MMP16: variants seen among roughly 807,000 people sequenced by gnomAD.
MMP16 encodes the protein matrix metalloproteinase-16.
MMP16 carries 12 observed loss-of-function variants against 67.8 expected under a neutral mutation model. The ratio of observed to expected loss-of-function variants is 0.18; its 90% CI spans 0.11 to 0.29. The LOEUF (loss-of-function observed/expected upper bound fraction) is 0.29, where lower values mean the gene tolerates loss of function less well. Among genes scored for constraint, MMP16 ranks in the 10% least tolerant of loss-of-function variants. The pLI is 1.00. For synonymous variants in MMP16, 249 were observed against 255.9 expected, an observed-to-expected ratio of 0.97 and a Z score of 0.26; for missense variants, 475 against 765.7, an observed-to-expected ratio of 0.62 and a Z score of 4.48.
intron 2 of MMP16, among the ~76,000 whole-genome samples, chr8:88,189,723 G>A (rs769278774): frequency 2.0e-5 from 3 of 152,124 alleles, no homozygotes; most frequent in Non-Finnish European, 4.4e-5. Flanking sequence ...TATATGCAAT[G>A]ACCTCTGTCT....
intron 4 of MMP16, among the ~76,000 whole-genome samples, chr8:88,139,480 GAA>G (rs1202481761): frequency 6.6e-6 from 1 of 151,928 alleles, no homozygotes; most frequent in African/African-American, 2.4e-5. Context: ...CATTTGGAAA[GAA>G]AAAAGAGACA....
At chr8:88,144,786 A>C (rs1386202394) in intron 4 of MMP16, among the ~76,000 whole-genome samples, 1 of 151,996 alleles carries the variant, frequency 6.6e-6, no homozygotes, top group Non-Finnish European at 1.5e-5. Context: ...AGCAAATTTA[A>C]AATTCAATAT....
At chr8:88,213,809 A>G (rs1300779886) in intron 1 of MMP16, among the ~76,000 whole-genome samples, 1 of 152,148 alleles carries the variant, frequency 6.6e-6, no homozygotes, top group Non-Finnish European at 1.5e-5. Context: ...AATTAACCAT[A>G]AATATCAAAT....
intron 4 of MMP16, among the ~76,000 whole-genome samples, chr8:88,120,130 T>C (rs191595529): frequency 1.3e-5 from 2 of 151,662 alleles, no homozygotes; most frequent in Non-Finnish European, 2.9e-5. Flanking sequence ...AAAATACTAA[T>C]AGAGCATGGT....
intron 4 of MMP16, among the ~76,000 whole-genome samples, chr8:88,153,597 G>T (rs999115581): frequency 1.5e-4 from 23 of 151,644 alleles, no homozygotes; most frequent in African/African-American, 5.1e-4. Flanking sequence ...ACAAACCTGA[G>T]AAAAACAAGC....
intron 3 of MMP16, among the ~76,000 whole-genome samples, chr8:88,174,167 T>G (rs1239372088): frequency 6.6e-6 from 1 of 152,166 alleles, no homozygotes; most frequent in East Asian, 1.9e-4. Flanking sequence ...AGCTAAAGGA[T>G]TAATATACTG....
chr8:88,155,768 G>A (rs918170345), intron 4 of MMP16, among the ~76,000 whole-genome samples: 14 of 152,000 alleles, frequency 9.2e-5, no homozygotes, highest in Non-Finnish European at 8.8e-5. Context: ...CTGTTCCATA[G>A]CAAGCTTTTA....
intron 1 of MMP16, among the ~76,000 whole-genome samples, chr8:88,314,996 T>G (rs1811355423): frequency 6.6e-6 from 1 of 152,178 alleles, no homozygotes; most frequent in Non-Finnish European, 1.5e-5. Context: ...GGCAGCAAGT[T>G]GAGATAATCC....
intron 4 of MMP16, among the ~76,000 whole-genome samples, chr8:88,160,695 C>G (rs1042545498): frequency 6.6e-6 from 1 of 151,940 alleles, no homozygotes; most frequent in African/African-American, 2.4e-5. Context: ...GGACTATAAA[C>G]TAGTTCAACC....
chr8:88,129,926 G>C (rs540994591), intron 4 of MMP16, among the ~76,000 whole-genome samples: 1 of 151,732 alleles, frequency 6.6e-6, no homozygotes, highest in African/African-American at 2.4e-5. Flanking sequence ...CCTATCGAGT[G>C]ATTACCCAGA....
chr8:88,299,331 T>C (rs1323166778), intron 1 of MMP16, among the ~76,000 whole-genome samples: 3 of 152,154 alleles, frequency 2.0e-5, no homozygotes, highest in Non-Finnish European at 2.9e-5. Context: ...AAAAAGAAAG[T>C]ACACTTCATA....
At chr8:88,106,731 A>G (rs369889724) in intron 6 of MMP16, among the ~76,000 whole-genome samples, 13 of 151,454 alleles carry the variant, frequency 8.6e-5, no homozygotes, top group East Asian at 7.8e-4. Context: ...GTTACTTATT[A>G]TTCCTTAAAA....
chr8:88,155,228 C>T (rs903607238), intron 4 of MMP16, among the ~76,000 whole-genome samples: 1 of 151,932 alleles, frequency 6.6e-6, no homozygotes. Context: ...ATAAGGAATA[C>T]TTTAAAACTA....
intron 1 of MMP16, among the ~76,000 whole-genome samples, chr8:88,257,297 T>C (rs575430368): frequency 1.3e-5 from 2 of 152,202 alleles, no homozygotes; most frequent in African/African-American, 2.4e-5. Context: ...TAAATACATA[T>C]GGACAATGCA....
At chr8:88,131,027 A>T (rs1236627746) in intron 4 of MMP16, among the ~76,000 whole-genome samples, 1 of 151,708 alleles carries the variant, frequency 6.6e-6, no homozygotes, top group Non-Finnish European at 1.5e-5. Flanking sequence ...AATTAATGGG[A>T]AGCAGTTGCT....
chr8:88,056,326 A>T, intron 7 of MMP16, 48 bp from the exon 8 acceptor site: 1 of 1,012,678 alleles, frequency 9.9e-7, no homozygotes. Flanking sequence ...TAATGTCATA[A>T]TTAGAATATA....
chr8:88,110,617 T>C (rs1473719850), intron 6 of MMP16, among the ~76,000 whole-genome samples: 1 of 151,598 alleles, frequency 6.6e-6, no homozygotes, highest in Non-Finnish European at 1.5e-5. Flanking sequence ...TGCTGTGTGA[T>C]TTCTGTAAGT....
chr8:88,232,661 C>G (rs1809880389), intron 1 of MMP16, among the ~76,000 whole-genome samples: 1 of 152,110 alleles, frequency 6.6e-6, no homozygotes, highest in Non-Finnish European at 1.5e-5. Context: ...TATATGATTA[C>G]TTTTCAAACA....
At chr8:88,089,120 C>A (rs1808891193) in intron 6 of MMP16, among the ~76,000 whole-genome samples, 1 of 151,844 alleles carries the variant, frequency 6.6e-6, no homozygotes, top group Non-Finnish European at 1.5e-5. Flanking sequence ...GAACATAGTA[C>A]CAGGTGTCAT....
Sources: allele counts gnomAD v4.1 joint callset (sites outside exome capture counted in the v4.1 genomes callset), GRCh38; gene constraint gnomAD v4.1.1; transcripts MANE v1.5; gene names NCBI Gene and HGNC (gene_info 2026-07-23, HGNC 2026-07-21).